Variants in MEIS2 observed in about 807,000 individuals in gnomAD.
MEIS2 encodes Meis homeobox 2.
In MEIS2, 9 loss-of-function variants were observed where a neutral mutation model predicts 58.6. That is an observed-to-expected ratio of 0.15 (90% CI 0.09 to 0.27). The LOEUF is 0.27. Ranked by LOEUF, MEIS2 falls within the 10% of genes least tolerant of loss-of-function variation. MEIS2 has a pLI of 1.00. For synonymous variants in MEIS2, 221 were observed against 228.4 expected, an observed-to-expected ratio of 0.97 and a Z score of 0.29; for missense variants, 427 against 635.0, an observed-to-expected ratio of 0.67 and a Z score of 3.52.
chr15:37,097,864 A>C, intron 2 of MEIS2, 103 bp downstream of exon 2: 1 of 1,433,290 alleles, frequency 7.0e-7, no homozygotes, highest in Non-Finnish European at 9.2e-7. Flanking sequence ...CCCACCATAC[A>C]GAAGTAACTC....
intron 8 of MEIS2, among the ~76,000 whole-genome samples, chr15:37,028,088 C>T (rs1304107891): frequency 6.6e-6 from 1 of 152,198 alleles, no homozygotes; most frequent in South Asian, 2.1e-4. Context: ...TGTGTTCTGC[C>T]TATCAATTAC....
intron 9 of MEIS2, among the ~76,000 whole-genome samples, chr15:36,921,017 A>C (rs557077331): frequency 5.9e-5 from 9 of 152,198 alleles, no homozygotes; most frequent in South Asian, 2.1e-4. Flanking sequence ...ACAAAAAAAA[A>C]CCTCTGTTGT....
intron 7 of MEIS2, among the ~76,000 whole-genome samples, chr15:37,081,499 C>T (rs1396033982): frequency 1.3e-5 from 2 of 152,128 alleles, no homozygotes; most frequent in Non-Finnish European, 2.9e-5. Flanking sequence ...TACCTTGAAA[C>T]CCTGTTTAAA....
intron 7 of MEIS2, 65 bp downstream of exon 7, chr15:37,083,706 T>C: frequency 2.2e-6 from 3 of 1,347,740 alleles, no homozygotes; most frequent in Non-Finnish European, 2.1e-6. Flanking sequence ...TGTACTGATA[T>C]CATAAAATAC....
intron 8 of MEIS2, among the ~76,000 whole-genome samples, chr15:37,000,616 GA>G (rs2060687915): frequency 6.6e-6 from 1 of 152,030 alleles, no homozygotes; most frequent in Admixed American, 6.6e-5. Context: ...CACTGTCAGA[GA>G]AAGAGCCATT....
chr15:36,961,918 T>A (rs1335011173), intron 8 of MEIS2, among the ~76,000 whole-genome samples: 1 of 152,238 alleles, frequency 6.6e-6, no homozygotes, highest in East Asian at 1.9e-4. Context: ...AGTATATCTT[T>A]ATATTCTTAG....
intron 7 of MEIS2, among the ~76,000 whole-genome samples, chr15:37,066,977 T>G (rs1403324247): frequency 1.3e-5 from 2 of 151,974 alleles, no homozygotes; most frequent in Non-Finnish European, 2.9e-5. Flanking sequence ...GATGGGGTCT[T>G]GCTTTGTTGC....
chr15:37,021,139 T>C (rs2061512872), intron 8 of MEIS2, among the ~76,000 whole-genome samples: 1 of 152,206 alleles, frequency 6.6e-6, no homozygotes, highest in African/African-American at 2.4e-5. Flanking sequence ...TGGTATTTTG[T>C]TATGGCAGCC....
chr15:37,028,990 GACA>G (rs778348384), intron 8 of MEIS2, among the ~76,000 whole-genome samples: 7 of 152,078 alleles, frequency 4.6e-5, no homozygotes, highest in Non-Finnish European at 7.4e-5. Context: ...GAATGCTTAG[GACA>G]GCATGTCCAC....
chr15:36,892,486 C>A (rs567889655), intron 11 of MEIS2, 27 bp from the exon 12 acceptor site: 3 of 1,566,934 alleles, frequency 1.9e-6, no homozygotes, highest in Non-Finnish European at 1.7e-6. Flanking sequence ...AAAAAGAAAG[C>A]GGGTCAAATT....
At chr15:36,990,806 G>A (rs757694206) in intron 8 of MEIS2, among the ~76,000 whole-genome samples, 2 of 151,778 alleles carry the variant, frequency 1.3e-5, no homozygotes, top group Non-Finnish European at 2.9e-5. Context: ...GGGGGATAGG[G>A]CTTTTCAGGA....
intron 8 of MEIS2, among the ~76,000 whole-genome samples, chr15:37,026,841 ATAGTT>A (rs2061725173): frequency 6.6e-6 from 1 of 152,214 alleles, no homozygotes; most frequent in Admixed American, 6.5e-5. Context: ...AAGTAAAACT[ATAGTT>A]TAAGAAAAAT....
At chr15:36,924,957 GC>G (rs1405788780) in intron 9 of MEIS2, among the ~76,000 whole-genome samples, 2 of 152,110 alleles carry the variant, frequency 1.3e-5, no homozygotes, top group East Asian at 3.9e-4. Flanking sequence ...TGAGTCTGAT[GC>G]CAGAACTGGT....
At chr15:36,945,572 G>A (rs771298842) in intron 9 of MEIS2, among the ~76,000 whole-genome samples, 6 of 151,988 alleles carry the variant, frequency 3.9e-5, no homozygotes, top group African/African-American at 7.2e-5. Flanking sequence ...TCCTTTAATC[G>A]TAATTGAACA....
At chr15:37,040,076 A>ATGTGTG (rs35630750) in intron 7 of MEIS2, among the ~76,000 whole-genome samples, 17 of 145,576 alleles carry the variant, frequency 1.2e-4, no homozygotes, top group African/African-American at 3.8e-4. Context: ...AAGGCTGTGT[A>ATGTGTG]TGTGTGTGTG....
chr15:37,012,324 C>T (rs1292129184), intron 8 of MEIS2, among the ~76,000 whole-genome samples: 1 of 152,136 alleles, frequency 6.6e-6, no homozygotes, highest in Non-Finnish European at 1.5e-5. Context: ...CAGTCCTTTC[C>T]CAGTGGTATG....
rs1470198498 is a variant in MEIS2 at position 37,009,138 on chromosome 15, A to T, written c.900+27676T>A. ...CCCTGTCTCTACTAAAAATACAAAA[A>T]ATTAACCAGGCGTGGTGGCGGGCGC... On this transcript the variant is annotated intron_variant, in intron 8 of 11. Coordinates refer to ENST00000561208, the MANE Select transcript of MEIS2 (RefSeq NM_170675.5). 3.3e-5 allele frequency among the ~76,000 whole-genome samples: 5 copies of T among 151,888 alleles called. No homozygotes were observed. The East Asian group carries it at 9.7e-4, about 29-fold the overall frequency.
intron 7 of MEIS2, among the ~76,000 whole-genome samples, chr15:37,078,605 C>CAAAAAAAAAAAAAAA (rs540405090): frequency 2.0e-4 from 14 of 69,392 alleles, no homozygotes; most frequent in African/African-American, 5.3e-4. Flanking sequence ...AAAAAACAAC[C>CAAAAAAAAAAAAAAA]AAAAAAAAAA....
intron 9 of MEIS2, chr15:36,897,960 C>T (rs1355892324): frequency 6.6e-6 from 1 of 152,170 alleles, no homozygotes; most frequent in Non-Finnish European, 1.5e-5. Flanking sequence ...ACAGTCAGGC[C>T]CCACTCGGTC....
Sources: gnomAD v4.1 joint callset for allele counts (sites outside exome capture counted in the v4.1 genomes callset) on GRCh38, gnomAD v4.1.1 for gene constraint, MANE v1.5 for transcripts, NCBI Gene and HGNC (gene_info 2026-07-23, HGNC 2026-07-21) for gene names.